Variants in RGN observed in about 807,000 individuals in gnomAD.
RGN encodes the protein epididymis secretory protein Li 41.
RGN carries 19 observed loss-of-function variants against 20.6 expected under a neutral mutation model. The ratio of observed to expected loss-of-function variants is 0.92; its 90% CI spans 0.64 to 1.35. RGN has a LOEUF of 1.35. Ranked by LOEUF, RGN falls within the 40% of genes most tolerant of loss-of-function variation. The pLI is 0.00. For missense variants in RGN, 302 were observed against 232.7 expected, an observed-to-expected ratio of 1.30 and a Z score of -1.94; for synonymous variants, 85 against 87.2, an observed-to-expected ratio of 0.97 and a Z score of 0.14.
At chrX:47,086,579 C>T (rs1556384353) in intron 4 of RGN, among the ~76,000 whole-genome samples, 1 of 109,832 alleles carries the variant, frequency 9.1e-6, no homozygotes. Context: ...ACAGGGGCTG[C>T]AGCCTCGGAA....
intron 3 of RGN, among the ~76,000 whole-genome samples, chrX:47,083,492 T>C (rs1183455376): frequency 3.6e-5 from 4 of 112,110 alleles, no homozygotes; most frequent in African/African-American, 1.3e-4. Context: ...AATGAAGAGA[T>C]GTGATTGTAC....
intron 4 of RGN, 152 bp downstream of exon 4, chrX:47,084,752 G>C: frequency 2.2e-6 from 1 of 448,270 alleles, no homozygotes. Flanking sequence ...CCAGGAGTTC[G>C]ATAACTGCCT....
chrX:47,081,543 T>G (rs923269265), intron 3 of RGN, among the ~76,000 whole-genome samples: 1 of 108,146 alleles, frequency 9.2e-6, no homozygotes, highest in Non-Finnish European at 1.9e-5. Flanking sequence ...GTGTTTTTGT[T>G]TATTTTTTGT....
chrX:47,084,449 G>T lies in RGN; in HGVS notation c.195G>T (p.Gln65His). 1 of 1,205,575 alleles carries T rather than the reference G, an allele frequency of 8.3e-7. No homozygotes were observed. The highest frequency in any genetic ancestry group is 1.1e-6 in the Non-Finnish European group (1 of 892,283). ...DAPVSSVALR[Q>H]SGGYVATIGT... Reference sequence around the variant, plus strand: ...CAGTCAGCTCCGTGGCTCTTCGCCAGTCGGGAGGCTATGTTGCCACCATTG... The same window carrying T: ...CAGTCAGCTCCGTGGCTCTTCGCCATTCGGGAGGCTATGTTGCCACCATTG... The change falls in exon 4 of 8, where the codon CAG (glutamine) becomes CAT (histidine). Residue 65 changes from glutamine to histidine, a missense_variant. By Grantham distance (24) the Gln-to-His change is conservative. Coordinates refer to ENST00000397180, the MANE Select transcript of RGN (RefSeq NM_152869.4).
At position 47,084,582 on chromosome X, in the gene RGN, G is replaced by A. The variant is rs368575955; in HGVS notation, c.328G>A (p.Ala110Thr). The A allele has an allele frequency of 2.9e-5, 35 of 1,188,166 alleles. No individual in the cohort carries two copies. The highest frequency in any genetic ancestry group is 5.6e-5 in the South Asian group (3 of 53,779). The change falls in exon 4 of 8, where the codon GCC becomes ACC. Residue 110 changes from alanine to threonine, a missense_variant. Coordinates refer to ENST00000397180, the MANE Select transcript of RGN (RefSeq NM_152869.4). ...NRFNDGKVDP[A>T]GRYFAGTMAE... The stretch of plus-strand genomic sequence containing the variant: ...CTTCAATGATGGGAAGGTGGATCCC[G>A]CCGGGAGGTACTTTGCTGGTAAGAT...
At chrX:47,092,778 T>A (rs1931069987) in intron 7 of RGN, 119 bp from the exon 8 acceptor site, 1 of 560,389 alleles carries the variant, frequency 1.8e-6, no homozygotes, top group Non-Finnish European at 3.0e-6. Context: ...CTTTTTATGA[T>A]AGGAGATAAA....
chrX:47,084,329 G>T (rs995931396), intron 3 of RGN, 89 bp from the exon 4 acceptor site: 1 of 820,236 alleles, frequency 1.2e-6, no homozygotes, highest in African/African-American at 2.1e-5. Flanking sequence ...CTGGGCTCCC[G>T]CTCTAAGAGA....
At chrX:47,081,425 A>C (rs1318506542) in intron 3 of RGN, 118 bp downstream of exon 3, 2 of 554,029 alleles carry the variant, frequency 3.6e-6, no homozygotes, top group African/African-American at 5.0e-5. Context: ...GTCTGTCCCC[A>C]CTCCATATCC....
intron 5 of RGN, among the ~76,000 whole-genome samples, chrX:47,091,303 C>A (rs1215609746): frequency 9.0e-6 from 1 of 111,605 alleles, no homozygotes; most frequent in Non-Finnish European, 1.9e-5. Context: ...CATTAAGTTG[C>A]CTTGCGGATC....
chrX:47,086,296 G>A (rs949107695), intron 4 of RGN, among the ~76,000 whole-genome samples: 5 of 111,199 alleles, frequency 4.5e-5, no homozygotes, highest in African/African-American at 1.3e-4. Flanking sequence ...GGAGGTACAC[G>A]ATGTCCGTGT....
intron 4 of RGN, among the ~76,000 whole-genome samples, chrX:47,089,410 C>CATATATA (rs1930785899): frequency 0.13 from 2 of 15 alleles, 1 homozygote; most frequent in Non-Finnish European, 0.33. Context: ...AATATATAAT[C>CATATATA]ATATAATATA....
intron 4 of RGN, among the ~76,000 whole-genome samples, 174 bp from the exon 5 acceptor site, chrX:47,089,596 TATACAC>T (rs1286175734): frequency 7.5e-4 from 29 of 38,879 alleles, no homozygotes; most frequent in African/African-American, 3.9e-3. Context: ...TATATATATA[TATACAC>T]ACACACACAC....
intron 4 of RGN, among the ~76,000 whole-genome samples, chrX:47,088,732 G>A (rs1261422915): frequency 1.9e-5 from 2 of 107,714 alleles, no homozygotes; most frequent in Non-Finnish European, 3.8e-5. Context: ...GGGAGTCTGA[G>A]ACCAGCCTGG....
Position 47,084,414 on chromosome X carries a change from A to G in RGN, c.164-4A>G. On this transcript the variant is annotated splice_region_variant and splice_polypyrimidine_tract_variant and intron_variant, in intron 3 of 7. Coordinates refer to ENST00000397180, the MANE Select transcript of RGN (RefSeq NM_152869.4). ...GTTTTTTAACTGTTGCTTTACCTCT[A>G]CAGATGCCCCAGTCAGCTCCGTGGC... is the stretch of plus-strand genomic sequence containing the variant. 1.7e-6 allele frequency: 2 copies of G among 1,194,965 alleles called. No individual in the cohort carries two copies. The highest frequency in any genetic ancestry group is 2.3e-6 in the Non-Finnish European group (2 of 886,760).
At chrX:47,086,381 C>T (rs945276081) in intron 4 of RGN, among the ~76,000 whole-genome samples, 6 of 111,609 alleles carry the variant, frequency 5.4e-5, no homozygotes, top group Non-Finnish European at 9.4e-5. Context: ...ATTTTTAATG[C>T]AATTTATAAG....
chrX:47,092,266 CAGGG>C, intron 7 of RGN, 51 bp downstream of exon 7: 3 of 1,045,202 alleles, frequency 2.9e-6, no homozygotes, highest in Non-Finnish European at 3.9e-6. Context: ...CAAATACTTA[CAGGG>C]GTAAGTAACT....
chrX:47,081,409 C>T, intron 3 of RGN, 102 bp downstream of exon 3: 1 of 734,677 alleles, frequency 1.4e-6, no homozygotes, highest in Admixed American at 2.6e-5. Context: ...CTACACTTGT[C>T]ACGCTGTCTG....
intron 4 of RGN, chrX:47,084,835 T>G: frequency 3.1e-6 from 1 of 323,456 alleles, no homozygotes; most frequent in South Asian, 7.8e-5. Flanking sequence ...TGCATCTGTG[T>G]TCCCAGCTAC....
At chrX:47,082,936 AGT>A (rs1201419305) in intron 3 of RGN, among the ~76,000 whole-genome samples, 1 of 110,852 alleles carries the variant, frequency 9.0e-6, no homozygotes. Flanking sequence ...CTCCAATCAA[AGT>A]GTGAGCAGGG....
Sources: gnomAD v4.1 joint callset for allele counts (sites outside exome capture counted in the v4.1 genomes callset) on GRCh38, gnomAD v4.1.1 for gene constraint, MANE v1.5 for transcripts, NCBI Gene and HGNC (gene_info 2026-07-23, HGNC 2026-07-21) for gene names.